LPIN1: variants seen among roughly 807,000 people sequenced by gnomAD.
LPIN1 encodes the protein phosphatidate phosphatase LPIN1.
A neutral mutation model predicts 107.5 loss-of-function variants in LPIN1; 71 were observed. That is an observed-to-expected ratio of 0.66 (90% confidence interval 0.55 to 0.80). LPIN1 has a LOEUF of 0.80. Ranked by LOEUF, LPIN1 falls within the 30% of genes least tolerant of loss-of-function variation. The pLI, the probability that LPIN1 is intolerant of heterozygous loss-of-function variation, is 0.00. For missense variants in LPIN1, 1,043 were observed against 1,160.6 expected (o/e 0.90, Z 1.47); for synonymous variants, 445 against 452.6 (o/e 0.98, Z 0.21).
rs1474354058 is a variant in LPIN1, at chr2:11,805,064, A to G, written c.2163-6A>G. ...ACTTTATTTTTCTCTTTTCCTCTTC[A>G]TTTAGATCAGATACTCTTGGCCACA... is the stretch of plus-strand genomic sequence containing the variant. On this transcript the variant is annotated splice_region_variant and splice_polypyrimidine_tract_variant and intron_variant, in intron 16 of 20. Transcript: ENST00000674199. The G allele has an allele frequency of 6.3e-7, 1 of 1,582,476 alleles. No individual in the cohort carries two copies. Among genetic ancestry groups the G allele is most frequent in the African/African-American group, 1.4e-5 (1 of 73,076 alleles).
Position 11,824,755 on chromosome 2 carries a change from T to G in LPIN1, c.2745T>G (p.Pro915=). 1.2e-6 allele frequency: 2 copies of G among 1,614,196 alleles called. No homozygotes were observed. Among genetic ancestry groups the G allele is most frequent in the Non-Finnish European group, 1.7e-6 (2 of 1,180,032 alleles). Residue 915 remains proline (P), a synonymous_variant, in exon 21 of 21, where the codon CCT becomes CCG. Transcript: ENST00000674199. The part of the protein sequence containing the change: ...NFTFWREPLP[P]FENQDIHSAS... ...CCTTTTGGAGAGAGCCACTGCCACC[T>G]TTTGAAAACCAGGACATTCATTCTG... is the stretch of plus-strand genomic sequence containing the variant.
intron 1 of LPIN1, among the ~76,000 whole-genome samples, chr2:11,705,885 T>TTGTAA (rs1663101109): frequency 6.6e-6 from 1 of 152,212 alleles, no homozygotes; most frequent in African/African-American, 2.4e-5. Context: ...TCATCTTGAA[T>TTGTAA]TGTAACTCCC....
chr2:11,692,900 C>T (rs1662344990), intron 1 of LPIN1, among the ~76,000 whole-genome samples: 1 of 152,194 alleles, frequency 6.6e-6, no homozygotes, highest in African/African-American at 2.4e-5. Flanking sequence ...TCTGGCTCTG[C>T]CCCTGAGATC....
chr2:11,789,626 G>A (rs1326898131), intron 12 of LPIN1, among the ~76,000 whole-genome samples: 1 of 152,130 alleles, frequency 6.6e-6, no homozygotes, highest in Non-Finnish European at 1.5e-5. Context: ...CTCATCCTGG[G>A]TGGTGCTTTA....
chr2:11,679,520 C>T (rs959681803), intron 1 of LPIN1, among the ~76,000 whole-genome samples: 2 of 152,184 alleles, frequency 1.3e-5, no homozygotes, highest in African/African-American at 2.4e-5. Context: ...CTTCCTTCAC[C>T]GAAGGCTCCT....
chr2:11,715,829 C>T (rs749934768), intron 2 of LPIN1, among the ~76,000 whole-genome samples: 7 of 151,992 alleles, frequency 4.6e-5, no homozygotes, highest in Admixed American at 6.5e-5. Context: ...GGATGGGTAC[C>T]GATGACCAGG....
At chr2:11,718,861 C>T (rs1663929373) in intron 2 of LPIN1, among the ~76,000 whole-genome samples, 1 of 152,168 alleles carries the variant, frequency 6.6e-6, no homozygotes, top group South Asian at 2.1e-4. Flanking sequence ...TAGATATCAG[C>T]TGATGAGATA....
At chr2:11,712,438 A>G (rs1663475947) in intron 1 of LPIN1, among the ~76,000 whole-genome samples, 1 of 152,186 alleles carries the variant, frequency 6.6e-6, no homozygotes, top group African/African-American at 2.4e-5. Flanking sequence ...AGCCCTGGCC[A>G]CAGAGATCTT....
chr2:11,725,027 C>T (rs999869063), intron 1 of LPIN1, among the ~76,000 whole-genome samples: 4 of 152,134 alleles, frequency 2.6e-5, no homozygotes, highest in African/African-American at 4.8e-5. Flanking sequence ...TTAGGGAGGC[C>T]GAGGCGGGCG....
chr2:11,770,363 C>T (rs1238101313), intron 3 of LPIN1, among the ~76,000 whole-genome samples: 1 of 152,182 alleles, frequency 6.6e-6, no homozygotes, highest in Non-Finnish European at 1.5e-5. Flanking sequence ...GAGCCCGTGT[C>T]CTTCAGCACT....
chr2:11,695,461 G>A (rs1406032429), intron 1 of LPIN1, among the ~76,000 whole-genome samples: 1 of 152,106 alleles, frequency 6.6e-6, no homozygotes, highest in Non-Finnish European at 1.5e-5. Flanking sequence ...GCCCTAAGGT[G>A]GAGTATTTGA....
At chr2:11,811,024 G>A (rs1424674604) in intron 17 of LPIN1, among the ~76,000 whole-genome samples, 1 of 152,132 alleles carries the variant, frequency 6.6e-6, no homozygotes, top group African/African-American at 2.4e-5. Context: ...GAGGAACAGG[G>A]GTGATGTGTG....
chr2:11,824,517 C>T (rs180695696), intron 20 of LPIN1, 115 bp from the exon 21 acceptor site: 31 of 952,392 alleles, frequency 3.3e-5, no homozygotes, highest in African/African-American at 3.2e-4. Context: ...TGAGTCGTGT[C>T]GATAAGTAGG....
chr2:11,758,887 G>A (rs1273599447), intron 1 of LPIN1, among the ~76,000 whole-genome samples: 1 of 152,200 alleles, frequency 6.6e-6, no homozygotes, highest in Admixed American at 6.5e-5. Context: ...AAAAAATGAG[G>A]TTGTTGGAAC....
At chr2:11,782,626 A>T in intron 8 of LPIN1, 119 bp downstream of exon 8, 1 of 1,139,196 alleles carries the variant, frequency 8.8e-7, no homozygotes, top group Non-Finnish European at 1.3e-6. Flanking sequence ...CGTGACAATG[A>T]TCATGTTCAG....
At chr2:11,779,290 C>T (rs933595827) in intron 6 of LPIN1, among the ~76,000 whole-genome samples, 8 of 152,190 alleles carry the variant, frequency 5.3e-5, no homozygotes, top group South Asian at 2.1e-4. Flanking sequence ...CTCTCCCCCG[C>T]GGTGCACCAG....
chr2:11,767,845 C>A lies in LPIN1; in HGVS notation c.275C>A (p.Thr92Lys). The change falls in exon 3 of 21, where the codon ACA becomes AAA. Residue 92 changes from threonine to lysine, a missense_variant. By Grantham distance (78) the Thr-to-Lys change is moderately conservative. Coordinates refer to ENST00000674199, the MANE Select transcript of LPIN1 (RefSeq NM_001349206.2). ...GGAGAAGCATTTTTTGTTCAAGAAACAGATAATGATCAGGTAAGGAAGCCT... is the reference window on the plus strand; with the variant it reads ...GGAGAAGCATTTTTTGTTCAAGAAAAAGATAATGATCAGGTAAGGAAGCCT... The part of the protein sequence containing the change: ...DNGEAFFVQE[T>K]DNDQEVIPMH... 6.2e-7 allele frequency: 1 copy of A among 1,607,064 alleles called. No individual in the cohort carries two copies. The highest frequency in any genetic ancestry group is 8.5e-7 in the Non-Finnish European group (1 of 1,173,574).
chr2:11,724,275 C>T (rs1241600188), upstream of LPIN1: 11 of 892,524 alleles, frequency 1.2e-5, no homozygotes, highest in African/African-American at 1.6e-4. Context: ...ATGTCATAGT[C>T]CCCGTGGGGG....
upstream of LPIN1, among the ~76,000 whole-genome samples, chr2:11,743,857 G>A (rs1291870400): frequency 6.6e-6 from 1 of 152,116 alleles, no homozygotes; most frequent in Non-Finnish European, 1.5e-5. The surrounding 1 kb of genome is among the most constrained non-coding windows in gnomAD (Gnocchi z 4.7). Context: ...GCCTGTGTAG[G>A]TGGTTGATCT....
Sources: allele counts gnomAD v4.1 joint callset (sites outside exome capture counted in the v4.1 genomes callset), GRCh38; gene constraint gnomAD v4.1.1; non-coding constraint Gnocchi (gnomAD v3.1); transcripts MANE v1.5; gene names NCBI Gene and HGNC (gene_info 2026-07-23, HGNC 2026-07-21).